GNG7: variants seen among roughly 807,000 people sequenced by gnomAD.
GNG7 encodes guanine nucleotide-binding protein G(I)/G(S)/G(O) subunit gamma-7.
GNG7 carries 1 observed loss-of-function variant against 4.0 expected under a neutral mutation model. The ratio of observed to expected loss-of-function variants is 0.25; its 90% CI spans 0.09 to 1.18. GNG7 has a LOEUF of 1.18. Among genes scored for constraint, GNG7 ranks in the 50% most tolerant of loss-of-function variants. The pLI is 0.50. For missense variants in GNG7, 86 were observed against 91.9 expected (o/e 0.94, Z 0.26); for synonymous variants, 34 against 36.9 (o/e 0.92, Z 0.29).
intron 3 of GNG7, among the ~76,000 whole-genome samples, chr19:2,535,708 T>C (rs1325758445): frequency 6.6e-6 from 1 of 152,164 alleles, no homozygotes; most frequent in Admixed American, 6.6e-5. Context: ...TGTTTTTTAA[T>C]GGCTTCTAGC....
At chr19:2,521,924 T>C (rs552145124) in intron 3 of GNG7, among the ~76,000 whole-genome samples, 13 of 152,178 alleles carry the variant, frequency 8.5e-5, no homozygotes, top group African/African-American at 2.4e-4. Context: ...GTGTCCTTCA[T>C]ATTGAACCAG....
At chr19:2,662,251 C>T (rs1157357301) in intron 1 of GNG7, among the ~76,000 whole-genome samples, 2 of 124,872 alleles carry the variant, frequency 1.6e-5, no homozygotes, top group Non-Finnish European at 3.3e-5. Flanking sequence ...CAGAGCGAGA[C>T]TCCATCTCAA....
At chr19:2,598,882 C>T (rs891517972) in intron 2 of GNG7, among the ~76,000 whole-genome samples, 1 of 151,996 alleles carries the variant, frequency 6.6e-6, no homozygotes, top group Non-Finnish European at 1.5e-5. Flanking sequence ...TCTGTAATCA[C>T]GTTTTCAGTT....
intron 1 of GNG7, among the ~76,000 whole-genome samples, chr19:2,656,613 A>C (rs191875476): frequency 6.6e-6 from 1 of 152,300 alleles, no homozygotes; most frequent in East Asian, 1.9e-4. Flanking sequence ...AAGAGAAAGA[A>C]AGATGAACTA....
intron 2 of GNG7, among the ~76,000 whole-genome samples, chr19:2,575,103 T>A (rs1980267914): frequency 6.6e-6 from 1 of 151,072 alleles, no homozygotes; most frequent in African/African-American, 2.4e-5. Flanking sequence ...TTTTTTTTTT[T>A]AGATGGGGTC....
rs1011760996 is a variant in GNG7, at chr19:2,633,189, C to T, written c.-78+13035G>A. ...GGATGGGAGGAAAATTAGCATCCAA[C>T]GGGCCTCATCATTGCTGTCCTGGGC... On this transcript the variant is annotated intron_variant, in intron 2 of 4. Coordinates refer to ENST00000382159, the MANE Select transcript of GNG7 (RefSeq NM_052847.3). This position sits in a 1 kb window ranked among gnomAD's most constrained non-coding sequence, Gnocchi z 5.9. 6.6e-6 allele frequency among the ~76,000 whole-genome samples: 1 copy of T among 152,206 alleles called. No homozygotes were observed. The highest frequency in any genetic ancestry group is 6.5e-5 in the Admixed American group (1 of 15,276).
Position 2,609,741 on chromosome 19 carries a change from G to A in GNG7, c.-78+36483C>T, listed in dbSNP as rs954628602. On this transcript the variant is annotated intron_variant, in intron 2 of 4. Transcript: ENST00000382159. The surrounding 1 kb of genome is among the most constrained non-coding windows in gnomAD (Gnocchi z 4.4). The stretch of plus-strand genomic sequence containing the variant: ...TTACAGAGCCCCAGCAAACCATCAC[G>A]CTGGGTTAAAGGAACTGGTCCCCAG... 4.6e-5 allele frequency among the ~76,000 whole-genome samples: 7 copies of A among 152,086 alleles called. No individual in the cohort carries two copies. The highest frequency in any genetic ancestry group is 9.7e-5 in the African/African-American group (4 of 41,402).
intron 3 of GNG7, among the ~76,000 whole-genome samples, chr19:2,548,123 G>A (rs192188657): frequency 7.6e-4 from 116 of 152,264 alleles, no homozygotes; most frequent in African/African-American, 2.7e-3. Context: ...GGCCCAGGGA[G>A]CTTCTCCCTG....
In GNG7 at chr19:2,537,196, G is replaced by A. The variant is rs961138529; in HGVS notation, c.-37-16471C>T. ...CATCTCCTGACCTCGTGATCCGCCC[G>A]CCTCGGCCTCCCAAAGTGCTGGGAT... On this transcript the variant is annotated intron_variant, in intron 3 of 4. Transcript: ENST00000382159. Among the ~76,000 whole-genome samples the A allele has an allele frequency of 5.3e-5, 8 of 151,874 alleles. No individual in the cohort carries two copies. The South Asian group carries it at 8.3e-4, about 16-fold the overall frequency.
intron 2 of GNG7, among the ~76,000 whole-genome samples, chr19:2,593,871 T>C (rs537345507): frequency 1.3e-5 from 2 of 149,742 alleles, no homozygotes; most frequent in East Asian, 1.9e-4. Context: ...TTGATTACTA[T>C]TGTGATGTTT....
intron 2 of GNG7, among the ~76,000 whole-genome samples, chr19:2,596,783 T>C (rs1981035289): frequency 1.3e-5 from 2 of 151,804 alleles, no homozygotes; most frequent in African/African-American, 4.8e-5. Context: ...TTCTGGGGAG[T>C]GAGATTTGTG....
chr19:2,550,743 C>G (rs544544802), intron 3 of GNG7, among the ~76,000 whole-genome samples: 1 of 152,326 alleles, frequency 6.6e-6, no homozygotes, highest in East Asian at 1.9e-4. Flanking sequence ...GGTTGCCGAG[C>G]CTCAGTTTCC....
intron 2 of GNG7, among the ~76,000 whole-genome samples, chr19:2,607,519 A>C (rs1981423629): frequency 6.7e-6 from 1 of 149,430 alleles, no homozygotes; most frequent in Non-Finnish European, 1.5e-5. Context: ...ACAAGAGTGA[A>C]ACTCCATCTC....
At chr19:2,700,133 C>CT (rs61629688) in intron 1 of GNG7, among the ~76,000 whole-genome samples, 1,859 of 141,966 alleles carry the variant, frequency 0.013, 36 homozygotes, top group African/African-American at 0.042. Context: ...TGTTGCAGTC[C>CT]TTTTTTTTTT....
chr19:2,522,191 C>A (rs74875192), intron 3 of GNG7, among the ~76,000 whole-genome samples: 1 of 152,058 alleles, frequency 6.6e-6, no homozygotes, highest in Non-Finnish European at 1.5e-5. Flanking sequence ...AGGACGGCCC[C>A]GCTCCAGGGA....
intron 2 of GNG7, among the ~76,000 whole-genome samples, chr19:2,559,351 CTTT>C (rs551861647): frequency 1.3e-4 from 17 of 130,206 alleles, no homozygotes; most frequent in Non-Finnish European, 1.1e-4. Context: ...TTCTGTGTGT[CTTT>C]TTTTTTTTTT....
chr19:2,512,830 T>C lies in GNG7; in HGVS notation c.*2192A>G. Reference sequence around the variant, plus strand: ...AGGGTGGAGGCAGGCGGGCTCTCCCTGCCTGGGGTCCTCCCAGGGTCTCTG... The same window carrying C: ...AGGGTGGAGGCAGGCGGGCTCTCCCCGCCTGGGGTCCTCCCAGGGTCTCTG... On this transcript the variant is annotated 3_prime_UTR_variant, in exon 5 of 5. Transcript: ENST00000382159. This position sits in a 1 kb window ranked among gnomAD's most constrained non-coding sequence, Gnocchi z 4.7. 1 of 899,422 alleles carries C rather than the reference T, an allele frequency of 1.1e-6. No individual in the cohort carries two copies. Among genetic ancestry groups the C allele is most frequent in the Non-Finnish European group, 1.3e-6 (1 of 751,278 alleles). The allele number at this position is 899,422 out of a possible 1,614,324, so 55.7% of individuals were successfully genotyped here. A position where few individuals can be genotyped will look rare whatever the true frequency, so the allele number is the denominator to read the frequency against.
intron 3 of GNG7, among the ~76,000 whole-genome samples, chr19:2,548,731 G>A (rs1168521534): frequency 6.6e-6 from 1 of 152,114 alleles, no homozygotes; most frequent in Non-Finnish European, 1.5e-5. Context: ...GGAGGTCGCA[G>A]TGAGCCAAGA....
At chr19:2,689,552 G>T (rs1255795138) in intron 1 of GNG7, among the ~76,000 whole-genome samples, 1 of 149,896 alleles carries the variant, frequency 6.7e-6, no homozygotes, top group Non-Finnish European at 1.5e-5. Context: ...GAACCTGGGA[G>T]GCGGAGGCTG....
Sources: allele counts gnomAD v4.1 joint callset (sites outside exome capture counted in the v4.1 genomes callset), GRCh38; gene constraint gnomAD v4.1.1; non-coding constraint Gnocchi (gnomAD v3.1); transcripts MANE v1.5; gene names NCBI Gene and HGNC (gene_info 2026-07-23, HGNC 2026-07-21).